Variants in TNFSF11 observed in about 807,000 individuals in gnomAD.
The protein encoded by TNFSF11 is tumor necrosis factor ligand superfamily member 11.
Under a neutral mutation model 32.2 loss-of-function variants are expected in TNFSF11, and 12 were observed. The ratio of observed to expected loss-of-function variants is 0.37; its 90% CI spans 0.24 to 0.60. The LOEUF (loss-of-function observed/expected upper bound fraction) is 0.60, where lower values mean the gene tolerates loss of function less well. TNFSF11 is among the 20% of genes least tolerant of loss of function. The pLI, the probability that TNFSF11 is intolerant of heterozygous loss-of-function variation, is 0.66. For synonymous variants in TNFSF11, 172 were observed against 152.1 expected, an observed-to-expected ratio of 1.13 and a Z score of -0.96; for missense variants, 345 against 398.0, an observed-to-expected ratio of 0.87 and a Z score of 1.13.
chr13:42,574,061 A>C, upstream of TNFSF11: 1 of 560,416 alleles, frequency 1.8e-6, no homozygotes, highest in Non-Finnish European at 3.2e-6. Context: ...CAGAGGTGGG[A>C]GTGGAAGAGG....
intron 2 of TNFSF11, among the ~76,000 whole-genome samples, chr13:42,591,576 T>G (rs962301789): frequency 3.9e-5 from 6 of 152,292 alleles, no homozygotes; most frequent in African/African-American, 1.4e-4. Context: ...GCTCTTAAAG[T>G]TCTTTGCTTT....
intron 4 of TNFSF11, among the ~76,000 whole-genome samples, 191 bp from the exon 5 acceptor site, chr13:42,606,306 C>G (rs543015218): frequency 6.6e-6 from 1 of 152,242 alleles, no homozygotes; most frequent in African/African-American, 2.4e-5. Flanking sequence ...GTAGCCTCTA[C>G]TGTGCCTAAC....
rs949821650 is a variant in TNFSF11 at position 42,606,584 on chromosome 13, T to C, written c.620T>C (p.Ile207Thr). ...ATGACTTTTAGCAATGGAAAACTAATAGTTAATCAGGATGGCTTTTATTAC... is the reference window on the plus strand; with the variant it reads ...ATGACTTTTAGCAATGGAAAACTAACAGTTAATCAGGATGGCTTTTATTAC... The part of the protein sequence containing the change: ...SNMTFSNGKL[I>T]VNQDGFYYLY... The change falls in exon 5 of 5, where the codon ATA (isoleucine) becomes ACA (threonine). Residue 207 changes from isoleucine to threonine, a missense_variant. Coordinates refer to ENST00000398795, the MANE Select transcript of TNFSF11 (RefSeq NM_003701.4). 1.2e-6 allele frequency: 2 copies of C among 1,614,216 alleles called. No individual in the cohort carries two copies. The highest frequency in any genetic ancestry group is 1.7e-6 in the Non-Finnish European group (2 of 1,180,028).
At chr13:42,569,054 G>A (rs1872963839) in intron 2 of TNFSF11, among the ~76,000 whole-genome samples, 1 of 152,118 alleles carries the variant, frequency 6.6e-6, no homozygotes, top group Admixed American at 6.5e-5. Flanking sequence ...AGCAAAAGTG[G>A]GTTCGCTTTC....
intron 2 of TNFSF11, among the ~76,000 whole-genome samples, chr13:42,596,888 A>T (rs368668957): frequency 2.0e-5 from 3 of 152,294 alleles, no homozygotes; most frequent in East Asian, 3.9e-4. Flanking sequence ...TCACTATCAG[A>T]CTAATTGGGT....
At chr13:42,589,315 C>T (rs1013874633) in intron 2 of TNFSF11, among the ~76,000 whole-genome samples, 9 of 152,302 alleles carry the variant, frequency 5.9e-5, no homozygotes, top group Admixed American at 1.3e-4. Context: ...CAAGTATTGT[C>T]TCTACTCTGC....
chr13:42,564,695 T>C (rs935053904), intron 1 of TNFSF11, among the ~76,000 whole-genome samples: 1 of 152,234 alleles, frequency 6.6e-6, no homozygotes, highest in Non-Finnish European at 1.5e-5. Flanking sequence ...TGTCATGTGA[T>C]TTTGAAAATT....
At chr13:42,592,297 C>T (rs148698638) in intron 2 of TNFSF11, among the ~76,000 whole-genome samples, 1 of 152,348 alleles carries the variant, frequency 6.6e-6, no homozygotes, top group African/African-American at 2.4e-5. Flanking sequence ...TCTGACCAAC[C>T]AGCTACAAAT....
chr13:42,605,744 A>C (rs1795268033), intron 4 of TNFSF11, among the ~76,000 whole-genome samples: 1 of 152,202 alleles, frequency 6.6e-6, no homozygotes, highest in African/African-American at 2.4e-5. Flanking sequence ...TAGGGAGTGC[A>C]ATGCTAAGAA....
intron 2 of TNFSF11, among the ~76,000 whole-genome samples, chr13:42,596,026 T>A (rs1313212065): frequency 6.6e-6 from 1 of 152,154 alleles, no homozygotes; most frequent in Non-Finnish European, 1.5e-5. Flanking sequence ...GGGGTGAAGT[T>A]TGGGTTCGTC....
chr13:42,572,602 T>C (rs987906680), upstream of TNFSF11, among the ~76,000 whole-genome samples: 11 of 152,214 alleles, frequency 7.2e-5, 1 homozygote, highest in African/African-American at 2.4e-4. Context: ...GTCAATTGTT[T>C]CTATGTTTGA....
chr13:42,606,948 C>T lies in TNFSF11; in HGVS notation c.*30C>T. The T allele has an allele frequency of 6.2e-7, 1 of 1,613,634 alleles. No individual in the cohort carries two copies. Among genetic ancestry groups the T allele is most frequent in the Non-Finnish European group, 8.5e-7 (1 of 1,179,910 alleles). ...CAGTTTTTGGAGTGTTATGTATTTC[C>T]TGGATGTTTGGAAACATTTTTTAAA... On this transcript the variant is annotated 3_prime_UTR_variant, in exon 5 of 5. Transcript: ENST00000398795.
At position 42,563,973 on chromosome 13, in the gene TNFSF11, C is replaced by G. The variant is rs144852081; in HGVS notation, c.-302+1010C>G. ...AACTCCAATTACACATATATTAGAC[C>G]TTTTGATAATGTCCCATGTATTTCT... On this transcript the variant is annotated intron_variant, in intron 1 of 6. Coordinates refer to the TNFSF11 transcript ENST00000358545. 2.6e-5 allele frequency among the ~76,000 whole-genome samples: 4 copies of G among 152,146 alleles called. No individual in the cohort carries two copies. In the East Asian group the frequency reaches 7.7e-4, roughly 29 times the overall value.
chr13:42,607,032 G>A lies in TNFSF11; in HGVS notation c.*114G>A, dbSNP rs1204155704. 8 of 1,310,530 alleles carry A rather than the reference G, an allele frequency of 6.1e-6. No homozygotes were observed. The East Asian group carries it at 1.2e-4, about 19-fold the overall frequency. 81.2% of individuals were successfully genotyped at this position (1,310,530 alleles called of 1,614,324 possible). A position where few individuals can be genotyped will look rare whatever the true frequency, so the allele number is the denominator to read the frequency against. On this transcript the variant is annotated 3_prime_UTR_variant, in exon 5 of 5. Transcript: ENST00000398795. ...ACTACTAAGAGGCATGGCCCCAACG[G>A]TACACGACTCAGTATCCATGCTCTT...
chr13:42,566,257 G>T (rs1872865115), intron 1 of TNFSF11, among the ~76,000 whole-genome samples: 1 of 152,158 alleles, frequency 6.6e-6, no homozygotes, highest in Admixed American at 6.5e-5. Context: ...TCCTTCTTAT[G>T]CTGCCATCCT....
At position 42,581,160 on chromosome 13, in the gene TNFSF11, A is replaced by G. The variant is rs199910582; in HGVS notation, c.254A>G (p.His85Arg). ...DPNRISEDGT[H>R]CIYRILRLHE... is the part of the protein sequence containing the mutation. Reference sequence around the variant, plus strand: ...AATAGAATATCAGAAGATGGCACTCACTGCATTTATAGAATTTTGAGACTC... The same window carrying G: ...AATAGAATATCAGAAGATGGCACTCGCTGCATTTATAGAATTTTGAGACTC... The change falls in exon 2 of 5, where the codon CAC becomes CGC. Residue 85 changes from histidine (H) to arginine (R), a missense_variant. This residue lies in a region of TNFSF11 where 197 missense variants were observed against 182.0 expected (regional missense o/e 1.08). Transcript: ENST00000398795. 6.2e-7 allele frequency: 1 copy of G among 1,614,124 alleles called. No homozygotes were observed. The highest frequency in any genetic ancestry group is 8.5e-7 in the Non-Finnish European group (1 of 1,179,976).
chr13:42,594,189 G>A (rs781124279), intron 2 of TNFSF11, among the ~76,000 whole-genome samples: 4 of 151,816 alleles, frequency 2.6e-5, no homozygotes, highest in East Asian at 1.9e-4. Flanking sequence ...AAGCGATCTC[G>A]TGCCTTAGCC....
intron 1 of TNFSF11, among the ~76,000 whole-genome samples, chr13:42,577,752 C>A (rs546080894): frequency 6.6e-6 from 1 of 152,272 alleles, no homozygotes; most frequent in East Asian, 1.9e-4. Flanking sequence ...GTGTGCACTG[C>A]CTGTTTGAAA....
chr13:42,592,768 A>G (rs544579932), intron 2 of TNFSF11, among the ~76,000 whole-genome samples: 2 of 152,250 alleles, frequency 1.3e-5, no homozygotes, highest in Admixed American at 6.5e-5. Flanking sequence ...AGGTAATTGG[A>G]TCATGGGGGG....
Sources: gnomAD v4.1 joint callset for allele counts (sites outside exome capture counted in the v4.1 genomes callset) on GRCh38, gnomAD v4.1.1 for gene constraint, gnomAD v4.1.1 regional missense constraint, MANE v1.5 for transcripts, NCBI Gene and HGNC (gene_info 2026-07-23, HGNC 2026-07-21) for gene names.